Variants in ROBO2 observed in about 807,000 individuals in gnomAD.
The protein encoded by ROBO2 is roundabout guidance receptor 2.
In ROBO2, 53 loss-of-function variants were observed where a neutral mutation model predicts 160.8. That is an observed-to-expected ratio of 0.33 (90% CI 0.26 to 0.41). The LOEUF is 0.41. Among genes scored for constraint, ROBO2 ranks in the 10% least tolerant of loss-of-function variants. The pLI is 1.00. For missense variants in ROBO2, 1,577 were observed against 1,722.4 expected (o/e 0.92, Z 1.49); for synonymous variants, 664 against 611.7 (o/e 1.09, Z -1.26).
At chr3:76,209,527 A>G (rs1380878130) in intron 2 of ROBO2, among the ~76,000 whole-genome samples, 1 of 152,198 alleles carries the variant, frequency 6.6e-6, no homozygotes, top group Admixed American at 6.6e-5. Context: ...GGTATATACA[A>G]AATGTTTAGA....
At chr3:77,626,575 G>A (rs2095032406) in intron 23 of ROBO2, among the ~76,000 whole-genome samples, 1 of 152,150 alleles carries the variant, frequency 6.6e-6, no homozygotes, top group Admixed American at 6.5e-5. Flanking sequence ...TAACGGGGAG[G>A]GAGAGGGCTA....
At chr3:76,148,591 G>C (rs1340366901) in intron 2 of ROBO2, among the ~76,000 whole-genome samples, 1 of 151,898 alleles carries the variant, frequency 6.6e-6, no homozygotes, top group East Asian at 1.9e-4. Context: ...CAACCTTCTG[G>C]AGCCTCCCTC....
intron 2 of ROBO2, among the ~76,000 whole-genome samples, chr3:77,201,135 C>G (rs555362320): frequency 1.2e-4 from 19 of 152,158 alleles, no homozygotes; most frequent in Non-Finnish European, 2.4e-4. Context: ...GTATTAACCT[C>G]CTTATGCTCA....
chr3:76,082,777 A>T lies in ROBO2; in HGVS notation c.109+145175A>T, dbSNP rs779905530. ...TTTTCCCACTAGTATGTCATTTTTT[A>T]TATCTTTTGAGATGATTGCCATAGC... On this transcript the variant is annotated intron_variant, in intron 2 of 26. Transcript: ENST00000487694. 1.3e-5 allele frequency among the ~76,000 whole-genome samples: 2 copies of T among 152,076 alleles called. 1 individual carries two copies. Among genetic ancestry groups the T allele is most frequent in the Admixed American group, 1.3e-4 (2 of 15,250 alleles).
At chr3:76,374,218 T>C (rs1438897116) in intron 2 of ROBO2, among the ~76,000 whole-genome samples, 1 of 151,990 alleles carries the variant, frequency 6.6e-6, no homozygotes, top group Non-Finnish European at 1.5e-5. Flanking sequence ...TGAAATTCAC[T>C]ACAAATGATA....
At chr3:77,450,822 A>G (rs1316551632) in intron 2 of ROBO2, among the ~76,000 whole-genome samples, 1 of 152,072 alleles carries the variant, frequency 6.6e-6, no homozygotes, top group African/African-American at 2.4e-5. Flanking sequence ...GCAGAATCGT[A>G]CTTTGAGATA....
intron 2 of ROBO2, among the ~76,000 whole-genome samples, chr3:75,988,681 TG>T (rs1218412680): frequency 6.6e-6 from 1 of 152,062 alleles, no homozygotes; most frequent in African/African-American, 2.4e-5. Flanking sequence ...GTTTTGTTTT[TG>T]TTTTTATTCA....
At chr3:77,525,381 G>A (rs1196917105) in intron 6 of ROBO2, among the ~76,000 whole-genome samples, 1 of 146,896 alleles carries the variant, frequency 6.8e-6, no homozygotes, top group Non-Finnish European at 1.5e-5. Flanking sequence ...GTCAAAATTT[G>A]AAACAGATCT....
chr3:77,640,255 G>A (rs1415198358), intron 24 of ROBO2, among the ~76,000 whole-genome samples: 1 of 151,964 alleles, frequency 6.6e-6, no homozygotes, highest in South Asian at 2.1e-4. Context: ...GGGACTAAAG[G>A]CGCCCGCCAC....
intron 2 of ROBO2, among the ~76,000 whole-genome samples, chr3:76,907,772 G>A (rs985062075): frequency 4.6e-4 from 70 of 151,854 alleles, no homozygotes; most frequent in Non-Finnish European, 1.5e-4. Flanking sequence ...AAAGGCTAGA[G>A]GAAATGACCC....
chr3:76,716,399 C>A (rs753976600), intron 2 of ROBO2, among the ~76,000 whole-genome samples: 3 of 152,030 alleles, frequency 2.0e-5, no homozygotes, highest in Non-Finnish European at 4.4e-5. Context: ...TATCTTTTTT[C>A]TTTATTCTTC....
chr3:77,353,520 T>C (rs910667250), intron 2 of ROBO2, among the ~76,000 whole-genome samples: 1 of 151,424 alleles, frequency 6.6e-6, no homozygotes, highest in African/African-American at 2.4e-5. Context: ...CTAGGGAACC[T>C]TTTTTTTTGA....
intron 2 of ROBO2, among the ~76,000 whole-genome samples, chr3:76,817,690 T>G (rs1036878557): frequency 6.6e-6 from 1 of 152,148 alleles, no homozygotes; most frequent in African/African-American, 2.4e-5. Context: ...TGTATCATTC[T>G]TATGCCTTTG....
chr3:76,086,346 C>T (rs2069011921), intron 2 of ROBO2, among the ~76,000 whole-genome samples: 2 of 152,072 alleles, frequency 1.3e-5, no homozygotes, highest in Admixed American at 1.3e-4. Context: ...CAGTCACTTC[C>T]TGCTAAGTCC....
chr3:76,329,630 A>C (rs560443293), intron 2 of ROBO2, among the ~76,000 whole-genome samples: 2 of 152,212 alleles, frequency 1.3e-5, no homozygotes, highest in Non-Finnish European at 2.9e-5. Flanking sequence ...TGGTGCAGTA[A>C]CAGTTCAGAG....
intron 2 of ROBO2, among the ~76,000 whole-genome samples, chr3:76,901,422 G>A (rs913684791): frequency 2.0e-5 from 3 of 151,366 alleles, no homozygotes; most frequent in African/African-American, 7.3e-5. Context: ...GATGCAGAAG[G>A]CCAGGCATGG....
At chr3:75,990,469 G>A (rs2065535501) in intron 2 of ROBO2, among the ~76,000 whole-genome samples, 2 of 152,144 alleles carry the variant, frequency 1.3e-5, no homozygotes, top group South Asian at 4.1e-4. Context: ...TGGCTTAGTT[G>A]TTACTCCAGG....
chr3:77,091,646 C>T (rs576584938), intron 1 of ROBO2, among the ~76,000 whole-genome samples: 22 of 152,098 alleles, frequency 1.4e-4, no homozygotes, highest in East Asian at 7.8e-4. Flanking sequence ...TGGAACCTTT[C>T]GCTGGTAATT....
At chr3:76,555,363 G>GAAC (rs1333207529) in intron 2 of ROBO2, among the ~76,000 whole-genome samples, 4 of 35,388 alleles carry the variant, frequency 1.1e-4, no homozygotes, top group East Asian at 5.8e-3. Context: ...GAAGAGAGAA[G>GAAC]AAGAAGAAGA....
Sources: allele counts gnomAD v4.1 joint callset (sites outside exome capture counted in the v4.1 genomes callset), GRCh38; gene constraint gnomAD v4.1.1; transcripts MANE v1.5; gene names NCBI Gene and HGNC (gene_info 2026-07-23, HGNC 2026-07-21).